CYB5A: variants seen among roughly 807,000 people sequenced by gnomAD.
The protein encoded by CYB5A is cytochrome b5 type A, also known as cytochrome b5.
CYB5A carries 10 observed loss-of-function variants against 16.2 expected under a neutral mutation model. The ratio of observed to expected loss-of-function variants is 0.62; its 90% CI spans 0.38 to 1.04. The LOEUF (loss-of-function observed/expected upper bound fraction) is 1.04. Ranked by LOEUF, CYB5A falls within the 50% of genes least tolerant of loss-of-function variation. The pLI is 0.01. For missense variants in CYB5A, 161 were observed against 165.9 expected, an observed-to-expected ratio of 0.97 and a Z score of 0.16; for synonymous variants, 62 against 57.0, an observed-to-expected ratio of 1.09 and a Z score of -0.40.
chr18:74,259,461 C>T (rs1362839197), intron 3 of CYB5A: 1 of 152,180 alleles, frequency 6.6e-6, no homozygotes, highest in African/African-American at 2.4e-5. Context: ...AGAGTATAGG[C>T]TGTAATACAC....
At chr18:74,277,396 C>T (rs1027620170) in intron 1 of CYB5A, among the ~76,000 whole-genome samples, 2 of 152,176 alleles carry the variant, frequency 1.3e-5, no homozygotes, top group Admixed American at 1.3e-4. Context: ...GGAATTACTT[C>T]CCATTTCACC....
At chr18:74,263,072 C>G (rs1982273544) in intron 2 of CYB5A, among the ~76,000 whole-genome samples, 1 of 149,296 alleles carries the variant, frequency 6.7e-6, no homozygotes, top group Non-Finnish European at 1.5e-5. Context: ...GGCTTGAGCC[C>G]AGGAGGTTGA....
At chr18:74,265,921 G>C (rs1982415880) in intron 1 of CYB5A, among the ~76,000 whole-genome samples, 1 of 152,194 alleles carries the variant, frequency 6.6e-6, no homozygotes, top group Non-Finnish European at 1.5e-5. Context: ...TCCAACCCTG[G>C]AGGCCACATT....
intron 1 of CYB5A, among the ~76,000 whole-genome samples, chr18:74,276,565 C>CA (rs1382649370): frequency 5.3e-5 from 8 of 151,462 alleles, no homozygotes; most frequent in Non-Finnish European, 8.8e-5. Flanking sequence ...CACACACACC[C>CA]TTCTGTCAGG....
intron 1 of CYB5A, among the ~76,000 whole-genome samples, chr18:74,289,530 C>A (rs1983447063): frequency 6.6e-6 from 1 of 152,152 alleles, no homozygotes; most frequent in East Asian, 1.9e-4. Context: ...AATCCCAGCA[C>A]TTTGGGAGGC....
chr18:74,253,391 G>A lies in CYB5A; in HGVS notation c.*193C>T, dbSNP rs761532779. 49 of 512,018 alleles carry A rather than the reference G, an allele frequency of 9.6e-5. No homozygotes were observed. Among genetic ancestry groups the A allele is most frequent in the Middle Eastern group, 5.5e-4 (1 of 1,824 alleles). 31.7% of individuals were successfully genotyped at this position (512,018 alleles called of 1,614,324 possible). On this transcript the variant is annotated 3_prime_UTR_variant, in exon 5 of 5. Coordinates refer to ENST00000340533, the MANE Select transcript of CYB5A (RefSeq NM_148923.4). ...CAAAATAAAGTAGATGAATAAAAAG[G>A]CACACTCGAAAAATTTGAGCGCAGA...
chr18:74,260,879 A>T lies in CYB5A; in HGVS notation c.288+36T>A, dbSNP rs373166360. The T allele has an allele frequency of 1.6e-4, 249 of 1,589,302 alleles. 1 individual carries two copies. The highest frequency in any genetic ancestry group is 8.3e-4 in the Middle Eastern group (5 of 6,044). On this transcript the variant is annotated intron_variant, in intron 3 of 4. Coordinates refer to ENST00000340533, the MANE Select transcript of CYB5A (RefSeq NM_148923.4). ...AGTTTGACAAGTATTAAATACAACG[A>T]GAACATCCAGAGATACTTGAGATGG...
At chr18:74,265,564 A>G (rs1004762924) in intron 1 of CYB5A, among the ~76,000 whole-genome samples, 3 of 152,206 alleles carry the variant, frequency 2.0e-5, no homozygotes, top group Non-Finnish European at 4.4e-5. Flanking sequence ...AACACTTTCC[A>G]GTGTCTCTAT....
At chr18:74,285,637 G>A (rs1479073873) in intron 1 of CYB5A, among the ~76,000 whole-genome samples, 1 of 152,012 alleles carries the variant, frequency 6.6e-6, no homozygotes, top group African/African-American at 2.4e-5. Flanking sequence ...GCCAAAGGGG[G>A]CAGATCACTT....
rs540097264 is a variant in CYB5A, at chr18:74,256,674, G to A, written c.289-899C>T. The A allele has an allele frequency of 1.2e-4, 79 of 684,218 alleles. No homozygotes were observed. In the Middle Eastern group the frequency reaches 2.2e-3, roughly 19 times the overall value. The allele number at this position is 684,218 out of a possible 1,614,324, so 42.4% of individuals were successfully genotyped here. On this transcript the variant is annotated intron_variant, in intron 3 of 4. Transcript: ENST00000340533. ...CCATAAATAAGACAGCTTCAGATCTGCAGTTTCCCAAAGCAAAGATAAAAA... is the reference window on the plus strand; with the variant it reads ...CCATAAATAAGACAGCTTCAGATCTACAGTTTCCCAAAGCAAAGATAAAAA...
intron 1 of CYB5A, among the ~76,000 whole-genome samples, chr18:74,278,351 T>G (rs1982962647): frequency 6.6e-6 from 1 of 152,154 alleles, no homozygotes; most frequent in Non-Finnish European, 1.5e-5. Flanking sequence ...CAGGATTAAG[T>G]GAATTAATTA....
At chr18:74,257,913 G>C (rs868356648) in intron 3 of CYB5A, 1 of 152,076 alleles carries the variant, frequency 6.6e-6, no homozygotes, top group East Asian at 1.9e-4. Flanking sequence ...GTGAGACCCC[G>C]TCTCAAAAAA....
intron 1 of CYB5A, among the ~76,000 whole-genome samples, chr18:74,273,549 T>C (rs1982752608): frequency 6.6e-6 from 1 of 152,240 alleles, no homozygotes; most frequent in Admixed American, 6.5e-5. Flanking sequence ...CTGAGTGACC[T>C]GCTGTGAAAA....
At chr18:74,262,936 G>T (rs1367305079) in intron 2 of CYB5A, among the ~76,000 whole-genome samples, 2 of 152,076 alleles carry the variant, frequency 1.3e-5, no homozygotes, top group Non-Finnish European at 2.9e-5. Context: ...GATCGCTTGA[G>T]TCCAGGAGTT....
At chr18:74,271,730 T>C (rs1328865648) in intron 1 of CYB5A, among the ~76,000 whole-genome samples, 2 of 152,100 alleles carry the variant, frequency 1.3e-5, no homozygotes, top group Non-Finnish European at 2.9e-5. Flanking sequence ...AACTACACAA[T>C]ACATTAACAT....
intron 1 of CYB5A, among the ~76,000 whole-genome samples, chr18:74,279,854 A>C (rs1568223154): frequency 6.6e-6 from 1 of 152,254 alleles, no homozygotes; most frequent in Non-Finnish European, 1.5e-5. Context: ...CAATCAATAA[A>C]TAACTATTTA....
intron 1 of CYB5A, among the ~76,000 whole-genome samples, 182 bp from the exon 2 acceptor site, chr18:74,263,659 G>A (rs1318565538): frequency 6.6e-6 from 1 of 152,176 alleles, no homozygotes; most frequent in African/African-American, 2.4e-5. Flanking sequence ...TTTCCATCAT[G>A]CAAGTACAAT....
At chr18:74,263,872 A>G (rs1273403274) in intron 1 of CYB5A, among the ~76,000 whole-genome samples, 1 of 152,168 alleles carries the variant, frequency 6.6e-6, no homozygotes, top group South Asian at 2.1e-4. Flanking sequence ...TGACTGCACC[A>G]CTGCACTCCA....
chr18:74,280,454 T>A (rs1338159282), intron 1 of CYB5A, among the ~76,000 whole-genome samples: 3 of 151,460 alleles, frequency 2.0e-5, no homozygotes, highest in Non-Finnish European at 4.4e-5. Flanking sequence ...GGTGCACACC[T>A]GTAGTCCTCG....
Sources: allele counts gnomAD v4.1 joint callset (sites outside exome capture counted in the v4.1 genomes callset), GRCh38; gene constraint gnomAD v4.1.1; transcripts MANE v1.5; gene names NCBI Gene and HGNC (gene_info 2026-07-23, HGNC 2026-07-21).